The following TBC1D5 variants were observed in gnomAD, a reference collection of about 807,000 sequenced individuals.
The protein encoded by TBC1D5 is TBC1 domain family member 5.
A neutral mutation model predicts 100.3 loss-of-function variants in TBC1D5; 75 were observed. That is an observed-to-expected ratio of 0.75 (90% confidence interval 0.62 to 0.91). The LOEUF is 0.91. Ranked by LOEUF, TBC1D5 falls within the 40% of genes least tolerant of loss-of-function variation. The pLI, the probability that TBC1D5 is intolerant of heterozygous loss-of-function variation, is 0.00. For synonymous variants in TBC1D5, 323 were observed against 325.6 expected (o/e 0.99, Z 0.09); for missense variants, 910 against 942.4 (o/e 0.97, Z 0.45).
intron 2 of TBC1D5, among the ~76,000 whole-genome samples, chr3:17,606,323 G>T (rs2061332339): frequency 6.6e-6 from 1 of 152,106 alleles, no homozygotes; most frequent in African/African-American, 2.4e-5. Context: ...TGCGCCTGGG[G>T]TTCCAGCTAT....
At chr3:17,656,520 A>C (rs2066077820) in intron 1 of TBC1D5, among the ~76,000 whole-genome samples, 1 of 152,160 alleles carries the variant, frequency 6.6e-6, no homozygotes, top group South Asian at 2.1e-4. Context: ...TACTTCCTAT[A>C]ATCTTAAAAC....
chr3:17,621,228 C>T (rs1424461207), intron 2 of TBC1D5, among the ~76,000 whole-genome samples: 1 of 152,008 alleles, frequency 6.6e-6, no homozygotes, highest in African/African-American at 2.4e-5. Flanking sequence ...TTTCAATATG[C>T]ATTTGTGTAT....
intron 2 of TBC1D5, among the ~76,000 whole-genome samples, chr3:17,616,717 CT>C (rs1022827635): frequency 1.3e-5 from 2 of 151,904 alleles, no homozygotes; most frequent in Admixed American, 6.6e-5. Context: ...CAACCCCTGC[CT>C]TTTTTTGCTT....
At chr3:17,186,710 C>CAAAAAAAAAAAAAAAAAAAAAA (rs58438478) in intron 18 of TBC1D5, among the ~76,000 whole-genome samples, 6 of 27,280 alleles carry the variant, frequency 2.2e-4, no homozygotes, top group East Asian at 3.6e-3. Flanking sequence ...ACTCTATCTC[C>CAAAAAAAAAAAAAAAAAAAAAA]AAAAAAAAAA....
intron 17 of TBC1D5, among the ~76,000 whole-genome samples, chr3:17,228,035 T>C (rs370022669): frequency 9.2e-5 from 14 of 152,056 alleles, no homozygotes; most frequent in South Asian, 8.3e-4. Context: ...CTTTATTTCA[T>C]TGGTGGTTGA....
chr3:17,498,306 G>A (rs567699979), intron 3 of TBC1D5, among the ~76,000 whole-genome samples: 2 of 152,112 alleles, frequency 1.3e-5, no homozygotes, highest in East Asian at 3.9e-4. Flanking sequence ...ACAACTATTT[G>A]ATTAACAAGG....
chr3:17,527,992 G>A (rs534810416), intron 2 of TBC1D5, among the ~76,000 whole-genome samples: 7 of 150,270 alleles, frequency 4.7e-5, no homozygotes, highest in East Asian at 4.0e-4. Context: ...AGGTTTGAAC[G>A]TTGGATCGCC....
chr3:17,642,946 T>C (rs114523152), intron 1 of TBC1D5, among the ~76,000 whole-genome samples: 3,100 of 152,208 alleles, frequency 0.02, 91 homozygotes, highest in African/African-American at 0.07. Context: ...ACACCATACA[T>C]AGCTATATTA....
intron 2 of TBC1D5, among the ~76,000 whole-genome samples, chr3:17,552,085 T>C (rs905415311): frequency 6.6e-6 from 1 of 152,026 alleles, no homozygotes; most frequent in Non-Finnish European, 1.5e-5. Flanking sequence ...TTTATTCCCT[T>C]AGGCTGTCTC....
intron 9 of TBC1D5, among the ~76,000 whole-genome samples, chr3:17,381,975 T>G (rs942681193): frequency 6.6e-6 from 1 of 152,108 alleles, no homozygotes; most frequent in African/African-American, 2.4e-5. Flanking sequence ...GTTTCTAGAC[T>G]GTTTCACTGA....
intron 1 of TBC1D5, among the ~76,000 whole-genome samples, chr3:17,689,511 CCT>C (rs979397496): frequency 1.4e-5 from 2 of 143,902 alleles, no homozygotes; most frequent in Non-Finnish European, 3.0e-5. Context: ...AGAGTGAGAC[CCT>C]GTCTCAAAAA....
chr3:17,343,447 G>C (rs1429169590), intron 13 of TBC1D5, among the ~76,000 whole-genome samples: 2 of 149,970 alleles, frequency 1.3e-5, no homozygotes, highest in Non-Finnish European at 3.0e-5. Context: ...TTGTGTCTCT[G>C]CCCGGCTTTG....
chr3:17,694,463 C>A (rs996903299), intron 1 of TBC1D5, among the ~76,000 whole-genome samples: 1 of 152,126 alleles, frequency 6.6e-6, no homozygotes, highest in Non-Finnish European at 1.5e-5. Flanking sequence ...CAAGCGTCAA[C>A]AGCCGATTTG....
chr3:17,219,166 T>C (rs912003149), intron 17 of TBC1D5, among the ~76,000 whole-genome samples: 8 of 151,796 alleles, frequency 5.3e-5, no homozygotes, highest in South Asian at 2.1e-4. Context: ...TTCTGATTCT[T>C]TGGCAGCTCA....
At chr3:17,537,122 A>C (rs749733892) in intron 2 of TBC1D5, among the ~76,000 whole-genome samples, 11 of 152,312 alleles carry the variant, frequency 7.2e-5, no homozygotes, top group Middle Eastern at 3.4e-3. Flanking sequence ...CCTTTTCAAA[A>C]TATGTCAATG....
At chr3:17,178,463 T>TA (rs1268808827) in intron 19 of TBC1D5, among the ~76,000 whole-genome samples, 1 of 152,146 alleles carries the variant, frequency 6.6e-6, no homozygotes, top group African/African-American at 2.4e-5. Context: ...TGAACAGTGC[T>TA]AAAAAAACAT....
intron 13 of TBC1D5, among the ~76,000 whole-genome samples, chr3:17,360,489 A>T (rs963227757): frequency 4.6e-5 from 7 of 151,970 alleles, no homozygotes; most frequent in Non-Finnish European, 8.8e-5. Flanking sequence ...AGAATGGCAA[A>T]TATAGCTGAG....
At chr3:17,329,800 A>G (rs2086650512) in intron 13 of TBC1D5, among the ~76,000 whole-genome samples, 1 of 152,164 alleles carries the variant, frequency 6.6e-6, no homozygotes, top group African/African-American at 2.4e-5. Context: ...AACAATAACC[A>G]TTTCAAAGAT....
chr3:17,174,597 G>T (rs530804977), intron 19 of TBC1D5, among the ~76,000 whole-genome samples: 11 of 152,042 alleles, frequency 7.2e-5, no homozygotes, highest in Non-Finnish European at 1.3e-4. Context: ...CTTTGTTGTT[G>T]TTGTTGTTGT....
Sources: allele counts gnomAD v4.1 joint callset (sites outside exome capture counted in the v4.1 genomes callset), GRCh38; gene constraint gnomAD v4.1.1; transcripts MANE v1.5; gene names NCBI Gene and HGNC (gene_info 2026-07-23, HGNC 2026-07-21).